TNKS: variants seen among roughly 807,000 people sequenced by gnomAD.
TNKS encodes the protein poly [ADP-ribose] polymerase tankyrase-1.
In TNKS, 72 loss-of-function variants were observed where a neutral mutation model predicts 135.8. The observed-to-expected ratio is 0.53, with a 90% confidence interval of 0.44 to 0.64. TNKS has a LOEUF of 0.64. Among genes scored for constraint, TNKS ranks in the 30% least tolerant of loss-of-function variants. The pLI is 0.00. For synonymous variants in TNKS, 849 were observed against 649.3 expected (o/e 1.31, Z -4.68); for missense variants, 1,769 against 1,674.0 (o/e 1.06, Z -0.99).
intron 24 of TNKS, 143 bp downstream of exon 24, chr8:9,765,940 T>G: frequency 1.5e-6 from 1 of 677,774 alleles, no homozygotes; most frequent in Non-Finnish European, 2.4e-6. Context: ...AATTACTTCT[T>G]GGTACCAGCT....
intron 2 of TNKS, among the ~76,000 whole-genome samples, 181 bp downstream of exon 2, chr8:9,580,564 C>T (rs184324666): frequency 4.0e-4 from 61 of 152,264 alleles, no homozygotes; most frequent in Middle Eastern, 3.4e-3. Context: ...GGGGAAGACT[C>T]ACAACATTAA....
intron 5 of TNKS, among the ~76,000 whole-genome samples, chr8:9,697,149 TACC>T (rs1803555544): frequency 6.6e-6 from 1 of 152,104 alleles, no homozygotes. Context: ...TTAAGCCACA[TACC>T]TATAATCATC....
intron 3 of TNKS, among the ~76,000 whole-genome samples, chr8:9,668,727 A>G (rs538449825): frequency 7.9e-5 from 12 of 152,358 alleles, no homozygotes; most frequent in Admixed American, 4.6e-4. Context: ...AGCTTAGATC[A>G]TTGTCAACAT....
At chr8:9,617,983 GGTTTTTTTT>G (rs1364998046) in intron 3 of TNKS, among the ~76,000 whole-genome samples, 3 of 121,124 alleles carry the variant, frequency 2.5e-5, no homozygotes, top group Non-Finnish European at 3.4e-5. Context: ...TCTCTTTTTT[GGTTTTTTTT>G]TTTTTTTTTT....
At position 9,733,365 on chromosome 8, in the gene TNKS, T is replaced by C. The variant is rs958527793; in HGVS notation, c.2234T>C (p.Val745Ala). 1 of 1,613,088 alleles carries C rather than the reference T, an allele frequency of 6.2e-7. No homozygotes were observed. Among genetic ancestry groups the C allele is most frequent in the Non-Finnish European group, 8.5e-7 (1 of 1,179,652 alleles). ...LLVRHGASVN[V>A]ADLWKFTPLH... ...GTAAGGCATGGGGCTTCTGTCAATG[T>C]GGCGGACTTATGGAAATTTACCCCT... is the stretch of plus-strand genomic sequence containing the variant. The change falls in exon 15 of 27, where the codon GTG becomes GCG. Residue 745 changes from valine to alanine, a missense_variant. By Grantham distance (64) the Val-to-Ala change is moderately conservative. Transcript: ENST00000310430.
chr8:9,707,002 G>T lies in TNKS; in HGVS notation c.1456+5G>T. ...AGCTTAGGGAGAGATTGACTTGTAC[G>T]TATTTATATCCCGAAATCATTATCG... On this transcript the variant is annotated splice_donor_5th_base_variant and intron_variant, in intron 8 of 26. Transcript: ENST00000310430. The T allele has an allele frequency of 6.4e-7, 1 of 1,560,456 alleles. No individual in the cohort carries two copies. Among genetic ancestry groups the T allele is most frequent in the Non-Finnish European group, 8.7e-7 (1 of 1,153,938 alleles).
chr8:9,597,731 C>T (rs1288589199), intron 2 of TNKS, among the ~76,000 whole-genome samples: 3 of 152,098 alleles, frequency 2.0e-5, no homozygotes, highest in African/African-American at 7.2e-5. Context: ...CTCTTTCAAG[C>T]CAAGAGACAT....
At chr8:9,698,681 C>G (rs537881180) in intron 5 of TNKS, among the ~76,000 whole-genome samples, 1 of 152,132 alleles carries the variant, frequency 6.6e-6, no homozygotes, top group Non-Finnish European at 1.5e-5. Context: ...CCTGGACTTA[C>G]GTTGAAGCCA....
chr8:9,672,737 C>T (rs1356227127), intron 3 of TNKS, among the ~76,000 whole-genome samples: 4 of 143,272 alleles, frequency 2.8e-5, no homozygotes, highest in Non-Finnish European at 6.1e-5. Context: ...AACTAATATC[C>T]CACTTCCCCC....
intron 2 of TNKS, among the ~76,000 whole-genome samples, chr8:9,607,363 G>T (rs1337571545): frequency 6.6e-6 from 1 of 152,114 alleles, no homozygotes; most frequent in Non-Finnish European, 1.5e-5. Context: ...ATCTGAAGAA[G>T]ATCTACATTT....
intron 3 of TNKS, among the ~76,000 whole-genome samples, chr8:9,657,837 T>A (rs1801482523): frequency 6.7e-6 from 1 of 149,708 alleles, no homozygotes; most frequent in African/African-American, 2.5e-5. Context: ...GCTCCTCACT[T>A]CTCAGACGGG....
intron 12 of TNKS, among the ~76,000 whole-genome samples, chr8:9,721,187 A>G (rs1804861091): frequency 6.6e-6 from 1 of 151,094 alleles, no homozygotes; most frequent in Middle Eastern, 3.4e-3. Flanking sequence ...AGGCTGAGGC[A>G]AGGAGAATTG....
intron 3 of TNKS, among the ~76,000 whole-genome samples, chr8:9,650,511 C>G (rs1585277501): frequency 6.6e-6 from 1 of 152,290 alleles, no homozygotes; most frequent in Non-Finnish European, 1.5e-5. Context: ...TATGGCCATA[C>G]TTGCAGAAGT....
chr8:9,658,912 A>T (rs1057006214), intron 3 of TNKS, among the ~76,000 whole-genome samples: 1 of 152,194 alleles, frequency 6.6e-6, no homozygotes, highest in African/African-American at 2.4e-5. Context: ...AATGGAAAAT[A>T]AAAAAAGGCA....
At chr8:9,611,243 A>G (rs1425109749) in intron 2 of TNKS, among the ~76,000 whole-genome samples, 5 of 152,242 alleles carry the variant, frequency 3.3e-5, no homozygotes, top group African/African-American at 1.2e-4. Context: ...TTGAGGTTTA[A>G]TAATGTCCCA....
chr8:9,726,605 GAT>G (rs748222042), intron 12 of TNKS, 34 bp from the exon 13 acceptor site: 3 of 1,481,628 alleles, frequency 2.0e-6, no homozygotes, highest in Admixed American at 1.9e-5. Flanking sequence ...TATGAGTTTG[GAT>G]ATATATATGA....
chr8:9,688,962 T>C (rs769504296), intron 5 of TNKS, among the ~76,000 whole-genome samples: 11 of 152,128 alleles, frequency 7.2e-5, no homozygotes, highest in Non-Finnish European at 1.3e-4. Context: ...TTCATGTCTG[T>C]ACTTAGAAGG....
intron 3 of TNKS, among the ~76,000 whole-genome samples, chr8:9,660,279 AGC>A: frequency 6.6e-6 from 1 of 152,224 alleles, no homozygotes. Flanking sequence ...GCAGAGACAC[AGC>A]AGAAAAAGAG....
At chr8:9,644,904 T>G (rs150492205) in intron 3 of TNKS, among the ~76,000 whole-genome samples, 1 of 152,292 alleles carries the variant, frequency 6.6e-6, no homozygotes, top group Non-Finnish European at 1.5e-5. Context: ...CAGCAGTTTA[T>G]TATAAAATAG....
Sources: allele counts gnomAD v4.1 joint callset (sites outside exome capture counted in the v4.1 genomes callset), GRCh38; gene constraint gnomAD v4.1.1; transcripts MANE v1.5; gene names NCBI Gene and HGNC (gene_info 2026-07-23, HGNC 2026-07-21).